Variants in KDM2A observed in about 807,000 individuals in gnomAD.
The protein encoded by KDM2A is lysine-specific demethylase 2A.
A neutral mutation model predicts 137.3 loss-of-function variants in KDM2A; 3 were observed. The observed-to-expected ratio is 0.02, with a 90% CI of 0.01 to 0.06. The LOEUF is 0.06. Among genes scored for constraint, KDM2A ranks in the 10% least tolerant of loss-of-function variants. The pLI is 1.00. For missense variants in KDM2A, 738 were observed against 1,510.6 expected (o/e 0.49, Z 8.48); for synonymous variants, 512 against 541.5 (o/e 0.95, Z 0.76).
chr11:67,129,167 A>G (rs1786476028), intron 2 of KDM2A, among the ~76,000 whole-genome samples: 3 of 152,252 alleles, frequency 2.0e-5, no homozygotes, highest in African/African-American at 7.2e-5. Context: ...TGCAGTGTAG[A>G]TAAGAAACAG....
intron 5 of KDM2A, chr11:67,195,763 T>C (rs567936850): frequency 7.8e-5 from 15 of 192,472 alleles, no homozygotes; most frequent in Non-Finnish European, 1.5e-4. Context: ...AAGAAAATAC[T>C]TAACATAAGC....
At chr11:67,224,461 CTTTTTTTT>C (rs35180780) in intron 10 of KDM2A, among the ~76,000 whole-genome samples, 2 of 95,164 alleles carry the variant, frequency 2.1e-5, no homozygotes, top group Admixed American at 1.5e-4. Flanking sequence ...TAACCCCTTT[CTTTTTTTT>C]TTTTTTTTTT....
chr11:67,195,883 C>T (rs993755839), intron 5 of KDM2A: 6 of 302,800 alleles, frequency 2.0e-5, no homozygotes, highest in African/African-American at 1.3e-4. Context: ...ATTTTATAAC[C>T]AGTTCTCAAT....
In KDM2A at chr11:67,235,382, A is replaced by G. The variant is rs1253962995; in HGVS notation, c.1479+3422A>G. Among the ~76,000 whole-genome samples, 7 of 144,498 alleles carry G rather than the reference A, an allele frequency of 4.8e-5. No homozygotes were observed. The South Asian group carries it at 1.5e-3, about 32-fold the overall frequency. The allele number at this position is 144,498 out of a possible 152,430, so 94.8% of individuals were successfully genotyped here. On this transcript the variant is annotated intron_variant, in intron 12 of 20. Coordinates refer to ENST00000529006, the MANE Select transcript of KDM2A (RefSeq NM_012308.3). The stretch of plus-strand genomic sequence containing the variant: ...TGCAATGGCGCAGTCTTGGCTCACC[A>G]CAACCTCCACCTCCCAGGTTCAAGC...
chr11:67,157,700 G>A (rs1393932768), intron 2 of KDM2A, among the ~76,000 whole-genome samples: 4 of 148,824 alleles, frequency 2.7e-5, no homozygotes, highest in African/African-American at 5.0e-5. Flanking sequence ...AGCTGAGATG[G>A]CGCCACTGCA....
At position 67,243,003 on chromosome 11, in the gene KDM2A, C is replaced by T. The variant is rs1371867463; in HGVS notation, c.1480-6C>T. ...GATTTTTCCTTCTTTTCCCTCCTACCCTTAGATTTTGCTGGAGGAGCTTGC... is the reference window on the plus strand; with the variant it reads ...GATTTTTCCTTCTTTTCCCTCCTACTCTTAGATTTTGCTGGAGGAGCTTGC... On this transcript the variant is annotated splice_region_variant and splice_polypyrimidine_tract_variant and intron_variant, in intron 12 of 20. Coordinates refer to ENST00000529006, the MANE Select transcript of KDM2A (RefSeq NM_012308.3). 1 of 1,612,978 alleles carries T rather than the reference C, an allele frequency of 6.2e-7. No individual in the cohort carries two copies. The highest frequency in any genetic ancestry group is 1.1e-5 in the South Asian group (1 of 91,054).
intron 5 of KDM2A, among the ~76,000 whole-genome samples, chr11:67,183,032 G>A (rs1043139395): frequency 1.3e-5 from 2 of 152,172 alleles, no homozygotes; most frequent in African/African-American, 2.4e-5. Context: ...CGACTCTTCT[G>A]TTCATCTAAA....
At chr11:67,218,255 C>G (rs1858230981) in intron 9 of KDM2A, among the ~76,000 whole-genome samples, 1 of 152,166 alleles carries the variant, frequency 6.6e-6, no homozygotes, top group African/African-American at 2.4e-5. Flanking sequence ...AGTGCTCAGT[C>G]AGGGATGTTT....
At position 67,255,087 on chromosome 11, in the gene KDM2A, G is replaced by A. The variant is rs1210601453; in HGVS notation, c.*32G>A. 6.3e-7 allele frequency: 1 copy of A among 1,583,290 alleles called. No individual in the cohort carries two copies. The highest frequency in any genetic ancestry group is 8.6e-7 in the Non-Finnish European group (1 of 1,164,344). On this transcript the variant is annotated 3_prime_UTR_variant, in exon 21 of 21. Transcript: ENST00000529006. ...CCCAGCCCAGATTCAACAGGAAACC[G>A]ATCTTCCCCTGACTCCCCACCGAGG...
intron 17 of KDM2A, chr11:67,252,391 A>G: frequency 2.5e-6 from 1 of 395,322 alleles, no homozygotes; most frequent in South Asian, 2.2e-5. Flanking sequence ...GGGGCTATAG[A>G]CTGTTGCTTG....
chr11:67,227,323 A>C (rs1858577295), intron 10 of KDM2A, among the ~76,000 whole-genome samples: 1 of 152,324 alleles, frequency 6.6e-6, no homozygotes, highest in Non-Finnish European at 1.5e-5. Context: ...TATTTGTAAT[A>C]GCCTAATATG....
At chr11:67,141,820 C>T (rs1298791323) in intron 2 of KDM2A, among the ~76,000 whole-genome samples, 1 of 151,568 alleles carries the variant, frequency 6.6e-6, no homozygotes, top group African/African-American at 2.4e-5. Context: ...CACCCCTTTG[C>T]CCCTCATACA....
At chr11:67,215,288 T>A in intron 6 of KDM2A, 52 bp from the exon 7 acceptor site, 1 of 1,188,216 alleles carries the variant, frequency 8.4e-7, no homozygotes. Flanking sequence ...AAAATTATCT[T>A]TGACCCCAAC....
At chr11:67,148,780 T>C (rs1235050117) in intron 2 of KDM2A, among the ~76,000 whole-genome samples, 1 of 152,010 alleles carries the variant, frequency 6.6e-6, no homozygotes, top group African/African-American at 2.4e-5. Context: ...CTGTCTGGGC[T>C]ATAAGAGCAA....
chr11:67,240,150 C>T, intron 12 of KDM2A: 1 of 1,456,372 alleles, frequency 6.9e-7, no homozygotes, highest in Non-Finnish European at 9.0e-7. Flanking sequence ...GAGCCCAGAG[C>T]GCTGCACGCT....
intron 2 of KDM2A, among the ~76,000 whole-genome samples, chr11:67,137,425 G>C (rs1855992773): frequency 6.6e-6 from 1 of 152,126 alleles, no homozygotes; most frequent in Admixed American, 6.6e-5. Context: ...CAATGATGTG[G>C]TATGGTTGAG....
chr11:67,193,895 C>T (rs771768404), intron 5 of KDM2A, among the ~76,000 whole-genome samples: 7 of 152,132 alleles, frequency 4.6e-5, no homozygotes, highest in Non-Finnish European at 1.0e-4. Flanking sequence ...TTTATTGAGA[C>T]AGGGGTCTCG....
At chr11:67,239,999 C>G in intron 12 of KDM2A, 1 of 1,260,230 alleles carries the variant, frequency 7.9e-7, no homozygotes, top group African/African-American at 1.5e-5. Flanking sequence ...GCTGGGCCCT[C>G]TGCCTGGCTC....
rs545236423 is a variant in KDM2A, at chr11:67,120,306, A to G, written c.-84+257A>G. Reference sequence around the variant, plus strand: ...CTTCCTCCGGGAGGGCTCTGCCTCTAACTGCTCTGCAAACTGTGTCATCGG... The same window carrying G: ...CTTCCTCCGGGAGGGCTCTGCCTCTGACTGCTCTGCAAACTGTGTCATCGG... On this transcript the variant is annotated intron_variant, in intron 1 of 20. Transcript: ENST00000529006. Among the ~76,000 whole-genome samples the G allele has an allele frequency of 1.1e-4, 16 of 152,278 alleles. 1 individual carries two copies. The highest frequency in any genetic ancestry group is 6.8e-3 in the Middle Eastern group (2 of 294).
Sources: allele counts gnomAD v4.1 joint callset (sites outside exome capture counted in the v4.1 genomes callset), GRCh38; gene constraint gnomAD v4.1.1; transcripts MANE v1.5; gene names NCBI Gene and HGNC (gene_info 2026-07-23, HGNC 2026-07-21).